Variants in PTPN14 observed in about 807,000 individuals in gnomAD.
The protein encoded by PTPN14 is protein tyrosine phosphatase non-receptor type 14.
A neutral mutation model predicts 126.8 loss-of-function variants in PTPN14; 53 were observed. The observed-to-expected ratio is 0.42, with a 90% CI of 0.34 to 0.53. The LOEUF (loss-of-function observed/expected upper bound fraction) is 0.53, where lower values mean the gene tolerates loss of function less well. Among genes scored for constraint, PTPN14 ranks in the 20% least tolerant of loss-of-function variants. The pLI is 0.08. For synonymous variants in PTPN14, 630 were observed against 599.3 expected (o/e 1.05, Z -0.75); for missense variants, 1,257 against 1,552.9 (o/e 0.81, Z 3.20).
chr1:214,350,134 C>G lies in PTPN14; in HGVS notation c.*7788G>C, dbSNP rs1558063502. 3 of 152,218 alleles carry G rather than the reference C, an allele frequency of 2.0e-5. No homozygotes were observed. Among genetic ancestry groups the G allele is most frequent in the Admixed American group, 1.3e-4 (2 of 15,284 alleles). 9.4% of individuals were successfully genotyped at this position (152,218 alleles called of 1,614,324 possible). ...GAAGAAAATGAAGATAGCTTACATA[C>G]AGATTTTGGATGACCCGCTAATCTT... is the stretch of plus-strand genomic sequence containing the variant. On this transcript the variant is annotated 3_prime_UTR_variant, in exon 19 of 19. Coordinates refer to ENST00000366956, the MANE Select transcript of PTPN14 (RefSeq NM_005401.5).
At chr1:214,403,002 C>T (rs377483879) in intron 5 of PTPN14, 49 bp from the exon 6 acceptor site, 1 of 1,580,288 alleles carries the variant, frequency 6.3e-7, no homozygotes, top group Non-Finnish European at 8.7e-7. Flanking sequence ...TGGGCATTTG[C>T]TATTTTGCTT....
intron 11 of PTPN14, among the ~76,000 whole-genome samples, chr1:214,388,730 C>T (rs1210431316): frequency 6.6e-6 from 1 of 152,124 alleles, no homozygotes; most frequent in African/African-American, 2.4e-5. Flanking sequence ...TTCTATTAGC[C>T]TTATAGATTT....
intron 5 of PTPN14, among the ~76,000 whole-genome samples, chr1:214,408,019 T>C (rs1330968650): frequency 2.0e-5 from 3 of 152,198 alleles, no homozygotes; most frequent in Non-Finnish European, 4.4e-5. Context: ...GTCTAAATCA[T>C]TCCTTGCTCC....
At chr1:214,399,703 T>G (rs1003582428) in intron 7 of PTPN14, among the ~76,000 whole-genome samples, 1 of 152,176 alleles carries the variant, frequency 6.6e-6, no homozygotes, top group African/African-American at 2.4e-5. Context: ...AATTACCTTT[T>G]GTTTCCCTTG....
chr1:214,532,658 T>C, intron 1 of PTPN14: 1 of 857,096 alleles, frequency 1.2e-6, no homozygotes, highest in African/African-American at 1.7e-5. Context: ...AATGCCCATC[T>C]TGCTGCTGAT....
intron 11 of PTPN14, 63 bp downstream of exon 11, chr1:214,390,925 C>A: frequency 7.5e-7 from 1 of 1,332,568 alleles, no homozygotes; most frequent in Non-Finnish European, 1.0e-6. Context: ...CCCCCCACCT[C>A]AAATTAATAA....
chr1:214,475,760 CTTACTA>C (rs74382603), intron 1 of PTPN14, among the ~76,000 whole-genome samples: 11,463 of 152,184 alleles, frequency 0.075, 519 homozygotes, highest in South Asian at 0.12. Flanking sequence ...CAGGGCTTCT[CTTACTA>C]TATCACCCCA....
chr1:214,361,945 G>C (rs1342629091), intron 18 of PTPN14, among the ~76,000 whole-genome samples: 1 of 152,088 alleles, frequency 6.6e-6, no homozygotes, highest in Non-Finnish European at 1.5e-5. Context: ...GACTGAGAGG[G>C]ACAAGTCCAG....
In PTPN14 at chr1:214,350,800, C is replaced by T. The variant is rs1463680740; in HGVS notation, c.*7122G>A. On this transcript the variant is annotated 3_prime_UTR_variant, in exon 19 of 19. Transcript: ENST00000366956. ...TCTTGAACGCCTGACCTCAGGTGAT[C>T]TGCCTGCCTCAGCCTCCCAAAGTGC... The T allele has an allele frequency of 1.4e-5, 2 of 145,444 alleles. No individual in the cohort carries two copies. Among genetic ancestry groups the T allele is most frequent in the Non-Finnish European group, 3.0e-5 (2 of 67,216 alleles). 9.0% of individuals were successfully genotyped at this position (145,444 alleles called of 1,614,324 possible).
chr1:214,505,674 T>C lies in PTPN14; in HGVS notation c.-154-40717A>G, dbSNP rs559874435. Among the ~76,000 whole-genome samples, 4 of 152,286 alleles carry C rather than the reference T, an allele frequency of 2.6e-5. No individual in the cohort carries two copies. In the East Asian group the frequency reaches 5.8e-4, roughly 22 times the overall value. ...ACTTTGAGAGGCCAAAGCTGGAGGA[T>C]TGCTTGAATTCAGAAATTTGAGACA... On this transcript the variant is annotated intron_variant, in intron 1 of 18. Coordinates refer to ENST00000366956, the MANE Select transcript of PTPN14 (RefSeq NM_005401.5).
At chr1:214,373,867 A>G (rs1658279577) in intron 15 of PTPN14, among the ~76,000 whole-genome samples, 1 of 152,170 alleles carries the variant, frequency 6.6e-6, no homozygotes, top group Admixed American at 6.5e-5. Flanking sequence ...TATTTTATCA[A>G]TAGCTTCACC....
At chr1:214,451,358 G>C (rs1235172935) in intron 3 of PTPN14, among the ~76,000 whole-genome samples, 1 of 152,004 alleles carries the variant, frequency 6.6e-6, no homozygotes, top group African/African-American at 2.4e-5. Flanking sequence ...TGTAGAGACA[G>C]GGTCTTGCTA....
chr1:214,458,263 G>T (rs1189267540), intron 2 of PTPN14, among the ~76,000 whole-genome samples: 2 of 151,978 alleles, frequency 1.3e-5, no homozygotes, highest in African/African-American at 4.8e-5. Context: ...TTCTCAGGCT[G>T]GTCTTGAACC....
chr1:214,464,105 C>T (rs1660571133), intron 2 of PTPN14, among the ~76,000 whole-genome samples: 1 of 151,458 alleles, frequency 6.6e-6, no homozygotes, highest in African/African-American at 2.4e-5. Flanking sequence ...AGAAGAAAAC[C>T]TCTGTTTTAC....
intron 2 of PTPN14, among the ~76,000 whole-genome samples, chr1:214,460,524 A>AACACACACACACACAC (rs10522279): frequency 0.012 from 1,537 of 132,614 alleles, 47 homozygotes; most frequent in African/African-American, 0.043. Flanking sequence ...TGAAAATTCC[A>AACACACACACACACAC]ACACACACAC....
At chr1:214,453,618 C>A (rs1347880774) in intron 2 of PTPN14, among the ~76,000 whole-genome samples, 1 of 152,142 alleles carries the variant, frequency 6.6e-6, no homozygotes, top group African/African-American at 2.4e-5. Flanking sequence ...ACGACTACTA[C>A]TCCTGTTACC....
At chr1:214,482,101 G>A (rs1661003894) in intron 1 of PTPN14, among the ~76,000 whole-genome samples, 1 of 151,946 alleles carries the variant, frequency 6.6e-6, no homozygotes, top group African/African-American at 2.4e-5. Context: ...AAGTAATGGT[G>A]CTTAGTCATT....
intron 8 of PTPN14, 51 bp downstream of exon 8, chr1:214,397,862 A>T: frequency 7.0e-7 from 1 of 1,425,844 alleles, no homozygotes; most frequent in Non-Finnish European, 9.8e-7. Context: ...CATTAACATT[A>T]CAGTTCCTCA....
chr1:214,400,696 A>G (rs1248550525), intron 7 of PTPN14, among the ~76,000 whole-genome samples: 1 of 152,240 alleles, frequency 6.6e-6, no homozygotes, highest in Non-Finnish European at 1.5e-5. Context: ...TGTAAGTGGG[A>G]TGCAGATGGC....
Sources: gnomAD v4.1 joint callset for allele counts (sites outside exome capture counted in the v4.1 genomes callset) on GRCh38, gnomAD v4.1.1 for gene constraint, MANE v1.5 for transcripts, NCBI Gene and HGNC (gene_info 2026-07-23, HGNC 2026-07-21) for gene names.